Variants in TNNI3K observed in about 807,000 individuals in gnomAD.
The protein encoded by TNNI3K is serine/threonine-protein kinase TNNI3K.
Under a neutral mutation model 114.5 loss-of-function variants are expected in TNNI3K, and 140 were observed. That is an observed-to-expected ratio of 1.22 (90% CI 1.07 to 1.41). The LOEUF is 1.41. Ranked by LOEUF, TNNI3K falls within the 40% of genes most tolerant of loss-of-function variation. The probability of loss-of-function intolerance (pLI) is 0.00; values close to 1 mark genes in which losing one functional copy is unlikely to be tolerated. For missense variants in TNNI3K, 1,125 were observed against 1,007.6 expected (o/e 1.12, Z -1.58); for synonymous variants, 347 against 347.5 (o/e 1.00, Z 0.02).
At chr1:74,305,091 G>C (rs900868998) in intron 5 of TNNI3K, among the ~76,000 whole-genome samples, 4 of 152,136 alleles carry the variant, frequency 2.6e-5, no homozygotes, top group African/African-American at 9.7e-5. Context: ...ATCTATTCTT[G>C]TTGGACTTTG....
At chr1:74,352,509 A>T (rs551309837) in intron 9 of TNNI3K, among the ~76,000 whole-genome samples, 5 of 152,314 alleles carry the variant, frequency 3.3e-5, no homozygotes, top group African/African-American at 1.2e-4. Flanking sequence ...AGACAGGGAC[A>T]TTTAAGTCTA....
At chr1:74,475,235 G>A (rs1010324218) in intron 21 of TNNI3K, 1 of 613,364 alleles carries the variant, frequency 1.6e-6, no homozygotes. Context: ...AAAGGAGGGA[G>A]GCTCCCTCCT....
At chr1:74,480,279 T>C (rs112024313) in intron 21 of TNNI3K, 1 of 717,496 alleles carries the variant, frequency 1.4e-6, no homozygotes, top group Admixed American at 2.0e-5. Flanking sequence ...CTCAGCACAC[T>C]CTGTGCAGCT....
chr1:74,455,525 T>G (rs1667192227), intron 20 of TNNI3K, among the ~76,000 whole-genome samples: 1 of 152,204 alleles, frequency 6.6e-6, no homozygotes, highest in Admixed American at 6.5e-5. Context: ...TAAGAGGTGA[T>G]TTATTGTGGT....
At position 74,480,720 on chromosome 1, in the gene TNNI3K, C is replaced by T. The variant is rs547775196; in HGVS notation, c.2122-8469C>T. On this transcript the variant is annotated intron_variant, in intron 21 of 24. Transcript: ENST00000326637. ...GTGCGGAGAGCATTATTGCTCAGCACCAGTACCTGCAGGCTGTGAAGCTTG... is the reference window on the plus strand; with the variant it reads ...GTGCGGAGAGCATTATTGCTCAGCATCAGTACCTGCAGGCTGTGAAGCTTG... The T allele has an allele frequency of 6.1e-5, 44 of 717,462 alleles. No individual in the cohort carries two copies. The African/African-American group carries it at 7.1e-4, about 12-fold the overall frequency. The allele number at this position is 717,462 out of a possible 1,614,324, so 44.4% of individuals were successfully genotyped here. A position where few individuals can be genotyped will look rare whatever the true frequency, so the allele number is the denominator to read the frequency against.
chr1:74,513,289 T>C (rs926466792), intron 23 of TNNI3K, among the ~76,000 whole-genome samples: 5 of 152,204 alleles, frequency 3.3e-5, no homozygotes, highest in Non-Finnish European at 7.3e-5. Context: ...ATTTACTGAG[T>C]CCCTGTCCTT....
At chr1:74,425,201 G>A (rs1665579312) in intron 17 of TNNI3K, among the ~76,000 whole-genome samples, 1 of 152,014 alleles carries the variant, frequency 6.6e-6, no homozygotes, top group Admixed American at 6.6e-5. Flanking sequence ...AGTGAAGAGT[G>A]TTTATTCAGC....
intron 23 of TNNI3K, among the ~76,000 whole-genome samples, chr1:74,498,989 A>G (rs1669474570): frequency 6.6e-6 from 1 of 152,232 alleles, no homozygotes; most frequent in Admixed American, 6.5e-5. Context: ...TGATAAATAC[A>G]CCAATTATTG....
chr1:74,364,046 C>G (rs2100506577), intron 11 of TNNI3K, among the ~76,000 whole-genome samples: 1 of 149,388 alleles, frequency 6.7e-6, no homozygotes, highest in East Asian at 2.0e-4. Context: ...CTAGCCCAGG[C>G]TGGAGTGCAA....
chr1:74,263,659 G>A (rs1285106683), intron 4 of TNNI3K, among the ~76,000 whole-genome samples: 1 of 151,828 alleles, frequency 6.6e-6, no homozygotes, highest in East Asian at 1.9e-4. Flanking sequence ...AATAAATACA[G>A]TTAGGGAAAT....
At chr1:74,473,530 C>CT (rs1309147266) in intron 21 of TNNI3K, among the ~76,000 whole-genome samples, 2 of 99,826 alleles carry the variant, frequency 2.0e-5, no homozygotes, top group African/African-American at 7.7e-5. Context: ...ATTTAAAAGG[C>CT]TATTTTTTTT....
intron 17 of TNNI3K, among the ~76,000 whole-genome samples, chr1:74,388,864 A>G (rs1663621316): frequency 6.6e-6 from 1 of 152,208 alleles, no homozygotes; most frequent in African/African-American, 2.4e-5. Flanking sequence ...CAGGTTTCAA[A>G]TTAGGCAATA....
intron 23 of TNNI3K, among the ~76,000 whole-genome samples, chr1:74,518,873 C>CTTTTTTTTTTTTTTTTTTTTTTTTATT (rs1646388103): frequency 1.0e-5 from 1 of 100,358 alleles, no homozygotes; most frequent in Non-Finnish European, 1.8e-5. Flanking sequence ...TTTTTTTTCC[C>CTTTTTTTTTTTTTTTTTTTTTTTTATT]CTTTTTTTTT....
At position 74,466,590 on chromosome 1, in the gene TNNI3K, A is replaced by C. The variant is rs762865560; in HGVS notation, c.2121+3040A>C. ...GATGAAGAGGGGAAGATGAAGAAAA[A>C]GCATATTAGGAAAGCAAAGTCTTCA... On this transcript the variant is annotated intron_variant, in intron 21 of 24. Coordinates refer to ENST00000326637, the MANE Select transcript of TNNI3K (RefSeq NM_015978.3). Among the ~76,000 whole-genome samples, 181 of 152,314 alleles carry C rather than the reference A, an allele frequency of 1.2e-3. 1 individual carries two copies. Among genetic ancestry groups the C allele is most frequent in the Non-Finnish European group, 2.0e-3 (133 of 68,026 alleles).
At chr1:74,347,866 T>A (rs1245708216) in intron 9 of TNNI3K, among the ~76,000 whole-genome samples, 2 of 152,228 alleles carry the variant, frequency 1.3e-5, no homozygotes, top group Non-Finnish European at 1.5e-5. Context: ...CTTGTAAATT[T>A]GTATGAGTTC....
chr1:74,400,855 A>G (rs1459479671), intron 17 of TNNI3K, among the ~76,000 whole-genome samples: 1 of 152,098 alleles, frequency 6.6e-6, no homozygotes, highest in African/African-American at 2.4e-5. Flanking sequence ...CTACCATTCA[A>G]TTGGACTGGG....
intron 23 of TNNI3K, among the ~76,000 whole-genome samples, chr1:74,522,554 A>C (rs548388158): frequency 6.6e-6 from 1 of 152,318 alleles, no homozygotes; most frequent in South Asian, 2.1e-4. Context: ...ACATTTAAAA[A>C]GTAGCATGAA....
At chr1:74,516,399 T>C (rs1053546365) in intron 23 of TNNI3K, among the ~76,000 whole-genome samples, 4 of 152,176 alleles carry the variant, frequency 2.6e-5, no homozygotes, top group African/African-American at 7.2e-5. Flanking sequence ...TGAGAATAGT[T>C]GAGTCAGGAA....
intron 4 of TNNI3K, among the ~76,000 whole-genome samples, chr1:74,252,347 A>T (rs562615359): frequency 7.2e-5 from 11 of 152,344 alleles, no homozygotes; most frequent in African/African-American, 2.6e-4. Context: ...GAAAATTTAG[A>T]TTCTTGGGAA....
Sources: gnomAD v4.1 joint callset for allele counts (sites outside exome capture counted in the v4.1 genomes callset) on GRCh38, gnomAD v4.1.1 for gene constraint, MANE v1.5 for transcripts, NCBI Gene and HGNC (gene_info 2026-07-23, HGNC 2026-07-21) for gene names.